Variants in WWOX observed in about 807,000 individuals in gnomAD.
WWOX encodes WW domain containing oxidoreductase, also known as WW domain-containing oxidoreductase.
WWOX carries 69 observed loss-of-function variants against 46.2 expected under a neutral mutation model. The ratio of observed to expected loss-of-function variants is 1.49; its 90% CI spans 1.23 to 1.82. The LOEUF is 1.82. Among genes scored for constraint, WWOX ranks in the 40% most tolerant of loss-of-function variants. WWOX has a pLI of 0.00. For synonymous variants in WWOX, 359 were observed against 202.6 expected (o/e 1.77, Z -6.56); for missense variants, 919 against 542.6 (o/e 1.69, Z -6.89).
At chr16:78,290,881 A>T (rs982214248) in intron 5 of WWOX, among the ~76,000 whole-genome samples, 2 of 152,204 alleles carry the variant, frequency 1.3e-5, no homozygotes, top group Admixed American at 1.3e-4. Flanking sequence ...GAGAAGGCTT[A>T]TATTATTTCG....
At chr16:78,919,914 C>G (rs530031610) in intron 8 of WWOX, among the ~76,000 whole-genome samples, 14 of 152,058 alleles carry the variant, frequency 9.2e-5, no homozygotes. Flanking sequence ...TATTAATGAC[C>G]ACTTCTGAGC....
At chr16:78,771,963 C>G (rs763455981) in intron 8 of WWOX, among the ~76,000 whole-genome samples, 3 of 152,014 alleles carry the variant, frequency 2.0e-5, no homozygotes, top group Non-Finnish European at 4.4e-5. Flanking sequence ...TGATACTTCC[C>G]TCTCAGTGTA....
rs975360828 is a variant in WWOX at position 78,173,258 on chromosome 16, C to T, written c.516+8969C>T. ...ATCCCAGTGTGAATACTAACTCACT[C>T]GGTGTCCCTGGGCAAATCTGGTCAT... On this transcript the variant is annotated intron_variant, in intron 5 of 8. Transcript: ENST00000566780. 1.1e-4 allele frequency among the ~76,000 whole-genome samples: 16 copies of T among 152,250 alleles called. No individual in the cohort carries two copies. In the East Asian group the frequency reaches 1.4e-3, roughly 13 times the overall value.
At chr16:78,913,407 A>G (rs370301420) in intron 8 of WWOX, among the ~76,000 whole-genome samples, 2 of 151,842 alleles carry the variant, frequency 1.3e-5, no homozygotes, top group African/African-American at 2.4e-5. Context: ...CCCCTTCTCA[A>G]CCTGACCTGT....
At chr16:78,542,752 A>G (rs753210460) in intron 8 of WWOX, among the ~76,000 whole-genome samples, 7 of 152,204 alleles carry the variant, frequency 4.6e-5, no homozygotes, top group Non-Finnish European at 8.8e-5. Flanking sequence ...AATTCAATGA[A>G]TGCATTTCTG....
At chr16:78,363,496 C>A (rs924613284) in intron 5 of WWOX, among the ~76,000 whole-genome samples, 2 of 151,990 alleles carry the variant, frequency 1.3e-5, no homozygotes, top group Admixed American at 6.6e-5. Flanking sequence ...CCAGGCTGTC[C>A]TTGAACTCCT....
At chr16:78,105,458 CAAA>C (rs61383923) in intron 1 of WWOX, among the ~76,000 whole-genome samples, 4 of 126,638 alleles carry the variant, frequency 3.2e-5, no homozygotes, top group African/African-American at 5.8e-5. Flanking sequence ...GACTCTGTCT[CAAA>C]AAAAAAAAAA....
chr16:78,973,387 C>T (rs2046509991), intron 8 of WWOX, among the ~76,000 whole-genome samples: 1 of 151,990 alleles, frequency 6.6e-6, no homozygotes, highest in Admixed American at 6.6e-5. Flanking sequence ...AGAACGATCT[C>T]CACTTTTAAC....
At chr16:78,645,654 C>G (rs537863153) in intron 8 of WWOX, among the ~76,000 whole-genome samples, 15 of 152,198 alleles carry the variant, frequency 9.9e-5, no homozygotes, top group African/African-American at 2.6e-4. Context: ...AGAACCAACT[C>G]TCTGGGAACA....
intron 8 of WWOX, among the ~76,000 whole-genome samples, chr16:78,953,392 T>G (rs2046101978): frequency 6.6e-6 from 1 of 152,202 alleles, no homozygotes; most frequent in African/African-American, 2.4e-5. Context: ...TGCTGCTAAT[T>G]GCAAACACAA....
chr16:78,717,544 C>T (rs998002379), intron 8 of WWOX, among the ~76,000 whole-genome samples: 1 of 152,134 alleles, frequency 6.6e-6, no homozygotes, highest in East Asian at 1.9e-4. Flanking sequence ...ATGTGATTTG[C>T]TCTCTTTGAT....
intron 8 of WWOX, among the ~76,000 whole-genome samples, chr16:78,491,289 A>C (rs887692697): frequency 6.6e-6 from 1 of 150,846 alleles, no homozygotes; most frequent in African/African-American, 2.5e-5. Flanking sequence ...GTCTGGTTAC[A>C]AGGTCATCTT....
intron 8 of WWOX, chr16:78,892,053 T>C (rs1254419093): frequency 1.3e-5 from 2 of 152,186 alleles, no homozygotes; most frequent in Non-Finnish European, 2.9e-5. Flanking sequence ...GTGTGTCTGA[T>C]AAAATGGGTT....
At chr16:79,094,029 T>C (rs531307311) in intron 8 of WWOX, among the ~76,000 whole-genome samples, 2 of 152,290 alleles carry the variant, frequency 1.3e-5, no homozygotes, top group African/African-American at 4.8e-5. Flanking sequence ...TGAATGTCCA[T>C]GGGGTCACTC....
At chr16:78,769,344 A>G (rs1219542359) in intron 8 of WWOX, among the ~76,000 whole-genome samples, 4 of 151,902 alleles carry the variant, frequency 2.6e-5, no homozygotes, top group Non-Finnish European at 5.9e-5. Context: ...CTTTTTCACA[A>G]TGTCTCTTGC....
At chr16:78,334,936 AAAG>A (rs1427056426) in intron 5 of WWOX, among the ~76,000 whole-genome samples, 1 of 128,808 alleles carries the variant, frequency 7.8e-6, no homozygotes, top group Non-Finnish European at 1.7e-5. Flanking sequence ...AAAAAAAAAA[AAAG>A]GCAGCAAAAT....
rs192154487 is a variant in WWOX at position 78,384,290 on chromosome 16, G to C, written c.517-2570G>C. ...TTCTGCACGTGGCAGTGAGTGTCAT[G>C]CTCCAAGTAAAACGAGGCAGGGACC... On this transcript the variant is annotated intron_variant, in intron 5 of 8. Coordinates refer to ENST00000566780, the MANE Select transcript of WWOX (RefSeq NM_016373.4). Among the ~76,000 whole-genome samples the C allele has an allele frequency of 1.4e-4, 22 of 152,202 alleles. No individual in the cohort carries two copies. In the South Asian group the frequency reaches 3.9e-3, roughly 27 times the overall value.
chr16:78,174,156 C>T (rs116274826), intron 5 of WWOX, among the ~76,000 whole-genome samples: 4,573 of 152,296 alleles, frequency 0.03, 244 homozygotes, highest in African/African-American at 0.1. Context: ...AATAAAGACA[C>T]ACCCACGACT....
At chr16:78,139,039 C>T (rs1035811907) in intron 4 of WWOX, among the ~76,000 whole-genome samples, 3 of 152,124 alleles carry the variant, frequency 2.0e-5, no homozygotes, top group South Asian at 2.1e-4. Context: ...CCAATCAGAC[C>T]GTATCTAGAA....
Sources: gnomAD v4.1 joint callset for allele counts (sites outside exome capture counted in the v4.1 genomes callset) on GRCh38, gnomAD v4.1.1 for gene constraint, MANE v1.5 for transcripts, NCBI Gene and HGNC (gene_info 2026-07-23, HGNC 2026-07-21) for gene names.